FOXJ1: variants seen among roughly 807,000 people sequenced by gnomAD.
FOXJ1 encodes forkhead box J1.
In FOXJ1, 8 loss-of-function variants were observed where a neutral mutation model predicts 29.3. The ratio of observed to expected loss-of-function variants is 0.27; its 90% CI spans 0.16 to 0.49. The LOEUF is 0.49. Among genes scored for constraint, FOXJ1 ranks in the 20% least tolerant of loss-of-function variants. The probability of loss-of-function intolerance (pLI) is 0.98; values close to 1 mark genes in which losing one functional copy is unlikely to be tolerated. For synonymous variants in FOXJ1, 280 were observed against 278.7 expected (o/e 1.00, Z -0.05); for missense variants, 539 against 595.5 (o/e 0.91, Z 0.99).
In FOXJ1 at chr17:76,137,920, G is replaced by T. The variant is rs757724339; in HGVS notation, c.699C>A (p.Ser233Arg). The change falls in exon 3 of 3, where the codon AGC becomes AGA. Residue 233 changes from serine to arginine, a missense_variant. Physicochemically the swap from Ser to Arg is moderately radical, Grantham distance 110 (BLOSUM62 -1). Around this residue, in one of 3 missense-constraint regions of FOXJ1, gnomAD observed 302 missense variants for 293.6 expected, o/e 1.03. Transcript: ENST00000322957. This position sits in a 1 kb window ranked among gnomAD's most constrained non-coding sequence, Gnocchi z 9.5. ...AFARQAAQEP[S>R]AVPRAGPLTV... ...TCAGCGGCCCGGCCCGGGGGACAGC[G>T]CTGGGCTCCTGCGCGGCCTGGCGGG... The T allele has an allele frequency of 1.3e-6, 2 of 1,571,482 alleles. No homozygotes were observed. Among genetic ancestry groups the T allele is most frequent in the Non-Finnish European group, 1.7e-6 (2 of 1,159,418 alleles).
In FOXJ1 at chr17:76,140,246, G is replaced by T; in HGVS notation, c.150C>A (p.Pro50=). The change falls in exon 2 of 3, where the codon CCC becomes CCA. Residue 50 remains proline (P), a synonymous_variant. Transcript: ENST00000322957. The surrounding 1 kb of genome is among the most constrained non-coding windows in gnomAD (Gnocchi z 8.0). ...GGTCGGTGCCCCCCGGGGGCAGGGC[G>T]GGGGCCTTGGCGTTGAGAATGGAGA... ...QEFSILNAKA[P]ALPPGGTDPH... 1 of 1,465,560 alleles carries T rather than the reference G, an allele frequency of 6.8e-7. No individual in the cohort carries two copies. The highest frequency in any genetic ancestry group is 8.9e-7 in the Non-Finnish European group (1 of 1,119,784). The allele number at this position is 1,465,560 out of a possible 1,614,324, so 90.8% of individuals were successfully genotyped here. A position where few individuals can be genotyped will look rare whatever the true frequency, so the allele number is the denominator to read the frequency against.
Position 76,140,541 on chromosome 17 carries a change from C to T in FOXJ1, c.-146G>A. The T allele has an allele frequency of 1.4e-6, 1 of 706,808 alleles. No individual in the cohort carries two copies. Among genetic ancestry groups the T allele is most frequent in the Non-Finnish European group, 2.1e-6 (1 of 465,268 alleles). The allele number at this position is 706,808 out of a possible 1,614,324, so 43.8% of individuals were successfully genotyped here. On this transcript the variant is annotated 5_prime_UTR_variant, in exon 2 of 3. Coordinates refer to ENST00000322957, the MANE Select transcript of FOXJ1 (RefSeq NM_001454.4). This position sits in a 1 kb window ranked among gnomAD's most constrained non-coding sequence, Gnocchi z 8.0. ...TTCCATCTCGCGACCCCGGGGGCGC[C>T]TCCTCCGAATAAGTATGTGGTGCCT... is the stretch of plus-strand genomic sequence containing the variant.
At chr17:76,138,844 CA>C (rs1400307958) in intron 2 of FOXJ1, among the ~76,000 whole-genome samples, 2 of 152,162 alleles carry the variant, frequency 1.3e-5, no homozygotes, top group East Asian at 1.9e-4. Context: ...GCTCTAGGGT[CA>C]GGGGCATTGG....
Position 76,140,713 on chromosome 17 carries a change from C to A in FOXJ1, c.-169-149G>T. On this transcript the variant is annotated intron_variant, in intron 1 of 2. Transcript: ENST00000322957. This position sits in a 1 kb window ranked among gnomAD's most constrained non-coding sequence, Gnocchi z 8.0. ...AAACAGAAGCAAGGCCCTGGGGTCCCACCCCCATCAGATCTGCCTCCCTCT... is the reference window on the plus strand; with the variant it reads ...AAACAGAAGCAAGGCCCTGGGGTCCAACCCCCATCAGATCTGCCTCCCTCT... 1 of 329,362 alleles carries A rather than the reference C, an allele frequency of 3.0e-6. No individual in the cohort carries two copies. The highest frequency in any genetic ancestry group is 2.1e-5 in the African/African-American group (1 of 46,628). 20.4% of individuals were successfully genotyped at this position (329,362 alleles called of 1,614,324 possible).
rs1050010456 is a variant in FOXJ1, at chr17:76,139,604, C to T, written c.498+294G>A. Reference sequence around the variant, plus strand: ...GATTCTGTCCACGCAGAGTCTAGCCCTGGTCTTTGGCCTGGGCCTGCTGGA... The same window carrying T: ...GATTCTGTCCACGCAGAGTCTAGCCTTGGTCTTTGGCCTGGGCCTGCTGGA... On this transcript the variant is annotated intron_variant, in intron 2 of 2. Transcript: ENST00000322957. The surrounding 1 kb of genome is among the most constrained non-coding windows in gnomAD (Gnocchi z 6.6). 1.2e-4 allele frequency among the ~76,000 whole-genome samples: 19 copies of T among 152,200 alleles called. No individual in the cohort carries two copies. Among genetic ancestry groups the T allele is most frequent in the African/African-American group, 4.3e-4 (18 of 41,528 alleles).
Position 76,141,156 on chromosome 17 carries a change from A to C in FOXJ1, c.-212T>G, listed in dbSNP as rs1334583872. Reference sequence around the variant, plus strand: ...CCGGGCCAGAGGAAGGTTCTGGAAGAAGTTGCTCCCACCCCCTGCGGCTCT... The same window carrying C: ...CCGGGCCAGAGGAAGGTTCTGGAAGCAGTTGCTCCCACCCCCTGCGGCTCT... On this transcript the variant is annotated 5_prime_UTR_variant, in exon 1 of 3. Coordinates refer to ENST00000322957, the MANE Select transcript of FOXJ1 (RefSeq NM_001454.4). This position sits in a 1 kb window ranked among gnomAD's most constrained non-coding sequence, Gnocchi z 4.2. 6.6e-6 allele frequency: 1 copy of C among 152,268 alleles called. No homozygotes were observed. The highest frequency in any genetic ancestry group is 1.9e-4 in the East Asian group (1 of 5,184). The allele number at this position is 152,268 out of a possible 1,614,324, so 9.4% of individuals were successfully genotyped here. A position where few individuals can be genotyped will look rare whatever the true frequency, so the allele number is the denominator to read the frequency against.
intron 2 of FOXJ1, among the ~76,000 whole-genome samples, chr17:76,138,611 G>A (rs1192323575): frequency 6.6e-6 from 1 of 152,140 alleles, no homozygotes; most frequent in East Asian, 1.9e-4. Flanking sequence ...TGAGAGGTGG[G>A]GGATCTGATG....
In FOXJ1 at chr17:76,138,012, C is replaced by T. The variant is rs1199278781; in HGVS notation, c.607G>A (p.Glu203Lys). Residue 203 changes from glutamate to lysine, a missense_variant, in exon 3 of 3, where the codon GAG (glutamate) becomes AAG (lysine). Physicochemically the swap from Glu to Lys is moderately conservative, Grantham distance 56. Coordinates refer to ENST00000322957, the MANE Select transcript of FOXJ1 (RefSeq NM_001454.4). ...GFWRIDPQYAERLLSGAFKKR... is the reference protein window; with the variant it reads ...GFWRIDPQYAKRLLSGAFKKR... The stretch of plus-strand genomic sequence containing the variant: ...TTGAAAGCGCCGCTCAGTAGCCGCT[C>T]CGCGTACTGGGGGTCAATGCGCCAG... 2.5e-6 allele frequency: 4 copies of T among 1,613,266 alleles called. No homozygotes were observed. The highest frequency in any genetic ancestry group is 3.4e-6 in the Non-Finnish European group (4 of 1,179,824).
chr17:76,137,116 T>G lies in FOXJ1; in HGVS notation c.*237A>C. ...AGACGCGGAGCAATGAAACACTGTG[T>G]GTACAAGGTGGGGCTGGGGAGAGGA... is the stretch of plus-strand genomic sequence containing the variant. On this transcript the variant is annotated 3_prime_UTR_variant, in exon 3 of 3. Transcript: ENST00000322957. The surrounding 1 kb of genome is among the most constrained non-coding windows in gnomAD (Gnocchi z 9.5). The G allele has an allele frequency of 4.7e-6, 2 of 427,322 alleles. No homozygotes were observed. The highest frequency in any genetic ancestry group is 8.2e-6 in the Non-Finnish European group (2 of 243,164). 26.5% of individuals were successfully genotyped at this position (427,322 alleles called of 1,614,324 possible).
rs765575443 is a variant in FOXJ1, at chr17:76,137,617, C to A, written c.1002G>T (p.Pro334=). The change falls in exon 3 of 3, where the codon CCG becomes CCT. Residue 334 remains proline, a synonymous_variant. Coordinates refer to ENST00000322957, the MANE Select transcript of FOXJ1 (RefSeq NM_001454.4). This position sits in a 1 kb window ranked among gnomAD's most constrained non-coding sequence, Gnocchi z 9.5. ...LGALEALELS[P]PLSPASHVDV... is the part of the protein sequence containing the mutation. ...CCACGTGTGAGGCGGGGCTCAGAGG[C>A]GGGCTCAGCTCCAGGGCCTCCAGTG... 1 of 1,588,080 alleles carries A rather than the reference C, an allele frequency of 6.3e-7. No homozygotes were observed. The highest frequency in any genetic ancestry group is 1.1e-5 in the South Asian group (1 of 87,830).
chr17:76,140,314 C>A lies in FOXJ1; in HGVS notation c.82G>T (p.Ala28Ser). ...AGGCTGGTCAGGCTGTCATCCAGGG[C>A]GTCGGGCTCCTCCAGGCCGCCCTCC... ...GPEGGLEEPD[A>S]LDDSLTSLQW... The change falls in exon 2 of 3, where the codon GCC becomes TCC. Residue 28 changes from alanine to serine, a missense_variant. Transcript: ENST00000322957. The surrounding 1 kb of genome is among the most constrained non-coding windows in gnomAD (Gnocchi z 8.0). The A allele has an allele frequency of 1.3e-6, 2 of 1,492,728 alleles. No individual in the cohort carries two copies. The highest frequency in any genetic ancestry group is 8.8e-7 in the Non-Finnish European group (1 of 1,131,600). The allele number at this position is 1,492,728 out of a possible 1,614,324, so 92.5% of individuals were successfully genotyped here. A position where few individuals can be genotyped will look rare whatever the true frequency, so the allele number is the denominator to read the frequency against.
In FOXJ1 at chr17:76,137,276, G is replaced by A; in HGVS notation, c.*77C>T. On this transcript the variant is annotated 3_prime_UTR_variant, in exon 3 of 3. Transcript: ENST00000322957. This position sits in a 1 kb window ranked among gnomAD's most constrained non-coding sequence, Gnocchi z 9.5. ...CCAGCCCCTGCCTAGGTGGTGGGGT[G>A]TCTGTGGACCTGTGTTGGGGGGCAG... The A allele has an allele frequency of 1.6e-6, 2 of 1,270,548 alleles. No individual in the cohort carries two copies. The highest frequency in any genetic ancestry group is 1.0e-6 in the Non-Finnish European group (1 of 974,246). The allele number at this position is 1,270,548 out of a possible 1,614,324, so 78.7% of individuals were successfully genotyped here. A position where few individuals can be genotyped will look rare whatever the true frequency, so the allele number is the denominator to read the frequency against.
At position 76,137,982 on chromosome 17, in the gene FOXJ1, G is replaced by C; in HGVS notation, c.637C>G (p.Arg213Gly). 1 of 1,606,694 alleles carries C rather than the reference G, an allele frequency of 6.2e-7. No individual in the cohort carries two copies. Among genetic ancestry groups the C allele is most frequent in the Non-Finnish European group, 8.5e-7 (1 of 1,176,840 alleles). ...TGGATGTGGACAGGGGGCAGTCGCC[G>C]CTTCTTGAAAGCGCCGCTCAGTAGC... ...ERLLSGAFKKRRLPPVHIHPA... is the reference protein window; with the variant it reads ...ERLLSGAFKKGRLPPVHIHPA... The change falls in exon 3 of 3, where the codon CGG becomes GGG. Residue 213 changes from arginine to glycine, a missense_variant. Coordinates refer to ENST00000322957, the MANE Select transcript of FOXJ1 (RefSeq NM_001454.4). This position sits in a 1 kb window ranked among gnomAD's most constrained non-coding sequence, Gnocchi z 9.5.
intron 2 of FOXJ1, 122 bp from the exon 3 acceptor site, chr17:76,138,242 G>GA: frequency 7.4e-6 from 8 of 1,085,200 alleles, no homozygotes; most frequent in Non-Finnish European, 1.1e-5. Context: ...AGAGGAGGGG[G>GA]GGACAGACAC....
chr17:76,140,003 G>A lies in FOXJ1; in HGVS notation c.393C>T (p.Cys131=), dbSNP rs2068504819. Residue 131 remains cysteine, a synonymous_variant, in exon 2 of 3, where the codon TGC becomes TGT. Transcript: ENST00000322957. This position sits in a 1 kb window ranked among gnomAD's most constrained non-coding sequence, Gnocchi z 8.0. ...KPPYSYATLI[C]MAMQASKATK... ...TGGCCTTGCTGGCCTGCATGGCCAT[G>A]CAGATGAGCGTGGCATACGAGTAGG... 1 of 1,613,758 alleles carries A rather than the reference G, an allele frequency of 6.2e-7. No homozygotes were observed. The highest frequency in any genetic ancestry group is 8.5e-7 in the Non-Finnish European group (1 of 1,179,960).
In FOXJ1 at chr17:76,140,383, A is replaced by T; in HGVS notation, c.13T>A (p.Trp5Arg). 4.1e-6 allele frequency: 6 copies of T among 1,479,106 alleles called. No individual in the cohort carries two copies. Among genetic ancestry groups the T allele is most frequent in the Non-Finnish European group, 5.3e-6 (6 of 1,123,634 alleles). 91.6% of individuals were successfully genotyped at this position (1,479,106 alleles called of 1,614,324 possible). A position where few individuals can be genotyped will look rare whatever the true frequency, so the allele number is the denominator to read the frequency against. MAES[W>R]LRLSGAGPAE... ...GGCCCGGCTCCCGAGAGGCGCAGCC[A>T]GCTCTCCGCCATGTCTGCGGGGACT... The change falls in exon 2 of 3, where the codon TGG becomes AGG. Residue 5 changes from tryptophan to arginine, a missense_variant. By Grantham distance (101) the Trp-to-Arg change is moderately radical. Around this residue, in one of 3 missense-constraint regions of FOXJ1, gnomAD observed 59 missense variants for 47.5 expected, o/e 1.24. Coordinates refer to ENST00000322957, the MANE Select transcript of FOXJ1 (RefSeq NM_001454.4). This position sits in a 1 kb window ranked among gnomAD's most constrained non-coding sequence, Gnocchi z 8.0.
At position 76,137,518 on chromosome 17, in the gene FOXJ1, G is replaced by T; in HGVS notation, c.1101C>A (p.Ala367=). The T allele has an allele frequency of 6.3e-7, 1 of 1,590,370 alleles. No individual in the cohort carries two copies. Among genetic ancestry groups the T allele is most frequent in the Non-Finnish European group, 8.6e-7 (1 of 1,168,946 alleles). ...ATWGPSVEQA[A]DSLDFDETFL... ...AGGTCTCATCGAAGTCCAGGCTGTC[G>T]GCAGCCTGCTCCACCGAAGGCCCCC... The change falls in exon 3 of 3, where the codon GCC becomes GCA. Residue 367 remains alanine (A), a synonymous_variant. Coordinates refer to ENST00000322957, the MANE Select transcript of FOXJ1 (RefSeq NM_001454.4). This position sits in a 1 kb window ranked among gnomAD's most constrained non-coding sequence, Gnocchi z 9.5.
chr17:76,139,938 T>C lies in FOXJ1; in HGVS notation c.458A>G (p.Asp153Gly). ...TLSAIYKWIT[D>G]NFCYFRHADP... is the part of the protein sequence containing the mutation. The stretch of plus-strand genomic sequence containing the variant: ...TGCGTGGCGGAAGTAGCAGAAGTTG[T>C]CCGTGATCCACTTGTAGATGGCCGA... The change falls in exon 2 of 3, where the codon GAC becomes GGC. Residue 153 changes from aspartate (D) to glycine (G), a missense_variant. By Grantham distance (94) the Asp-to-Gly change is moderately conservative. This residue lies in a region of FOXJ1 where 178 missense variants were observed against 254.4 expected (regional missense o/e 0.70). Transcript: ENST00000322957. This position sits in a 1 kb window ranked among gnomAD's most constrained non-coding sequence, Gnocchi z 6.6. 6.2e-7 allele frequency: 1 copy of C among 1,610,208 alleles called. No individual in the cohort carries two copies.
At position 76,137,539 on chromosome 17, in the gene FOXJ1, C is replaced by A. The variant is rs754251901; in HGVS notation, c.1080G>T (p.Gly360=). The A allele has an allele frequency of 2.7e-5, 43 of 1,595,662 alleles. No individual in the cohort carries two copies. Among genetic ancestry groups the A allele is most frequent in the Non-Finnish European group, 3.4e-5 (40 of 1,171,466 alleles). ...TGTCGGCAGCCTGCTCCACCGAAGG[C>A]CCCCAGGTGGCAGGGCAGTCGATGT... ...GRHIDCPATW[G]PSVEQAADSL... The change falls in exon 3 of 3, where the codon GGG becomes GGT. Residue 360 remains glycine, a synonymous_variant. Transcript: ENST00000322957. The surrounding 1 kb of genome is among the most constrained non-coding windows in gnomAD (Gnocchi z 9.5).
Sources: gnomAD v4.1 joint callset for allele counts (sites outside exome capture counted in the v4.1 genomes callset) on GRCh38, gnomAD v4.1.1 for gene constraint, gnomAD v4.1.1 regional missense constraint, Gnocchi (gnomAD v3.1) non-coding constraint, MANE v1.5 for transcripts, NCBI Gene and HGNC (gene_info 2026-07-23, HGNC 2026-07-21) for gene names.